Variants in PALLD observed in about 807,000 individuals in gnomAD.
PALLD encodes the protein palladin, cytoskeletal associated protein.
PALLD carries 61 observed loss-of-function variants against 123.5 expected under a neutral mutation model. The observed-to-expected ratio is 0.49, with a 90% CI of 0.40 to 0.61. The LOEUF is 0.61. PALLD is among the 20% of genes least tolerant of loss of function. The pLI is 0.00. For synonymous variants in PALLD, 465 were observed against 496.4 expected (o/e 0.94, Z 0.84); for missense variants, 1,273 against 1,377.0 (o/e 0.92, Z 1.20).
chr4:168,559,496 A>C (rs931732575), intron 2 of PALLD, among the ~76,000 whole-genome samples: 1 of 152,238 alleles, frequency 6.6e-6, no homozygotes, highest in African/African-American at 2.4e-5. Flanking sequence ...AACATAGCTG[A>C]AAAATTTTAA....
At position 168,783,908 on chromosome 4, in the gene PALLD, C is replaced by G. The variant is rs116819983; in HGVS notation, c.1964+71985C>G. 8.7e-3 allele frequency among the ~76,000 whole-genome samples: 1,324 copies of G among 152,216 alleles called. 20 individuals carry two copies. Among genetic ancestry groups the G allele is most frequent in the African/African-American group, 0.028 (1,153 of 41,540 alleles). On this transcript the variant is annotated intron_variant, in intron 10 of 21. Coordinates refer to ENST00000505667, the MANE Select transcript of PALLD (RefSeq NM_001166108.2). ...CTCCCAACTAGGCTTTCATAATTGT[C>G]CCCTGATCCCAAATGAGTGATCAGT...
intron 2 of PALLD, among the ~76,000 whole-genome samples, chr4:168,563,523 T>C (rs1287995192): frequency 6.6e-6 from 1 of 152,188 alleles, no homozygotes; most frequent in Non-Finnish European, 1.5e-5. Flanking sequence ...TATAAAACTA[T>C]TTGCCAATTT....
chr4:168,661,806 G>A (rs1450657387), intron 2 of PALLD, among the ~76,000 whole-genome samples: 3 of 152,134 alleles, frequency 2.0e-5, no homozygotes, highest in African/African-American at 7.2e-5. Flanking sequence ...TGGAGACTAC[G>A]TGGTTTTTAT....
chr4:168,598,537 G>A, intron 2 of PALLD: 2 of 381,186 alleles, frequency 5.2e-6, no homozygotes, highest in Non-Finnish European at 1.1e-5. Flanking sequence ...TTAACAGAGA[G>A]GGGGCAGACA....
chr4:168,811,464 A>T (rs1741102218), intron 10 of PALLD, among the ~76,000 whole-genome samples: 1 of 152,190 alleles, frequency 6.6e-6, no homozygotes, highest in African/African-American at 2.4e-5. Context: ...GCCAGGCATG[A>T]TGGCACATGC....
At chr4:168,863,526 A>C (rs936600104) in intron 10 of PALLD, among the ~76,000 whole-genome samples, 19 of 152,174 alleles carry the variant, frequency 1.2e-4, no homozygotes, top group African/African-American at 4.6e-4. Context: ...AAATCCCTCC[A>C]TGAGGAAGCA....
rs61022783 is a variant in PALLD, at chr4:168,828,273, T to C, written c.1965-62649T>C. On this transcript the variant is annotated intron_variant, in intron 10 of 21. Transcript: ENST00000505667. ...AGCAAAATGCCGGAAGATATATTAA[T>C]ATTCCTTTGCTGCTACATGGAAATA... Among the ~76,000 whole-genome samples the C allele has an allele frequency of 3.0e-3, 455 of 152,370 alleles. 2 individuals are homozygous for C. The highest frequency in any genetic ancestry group is 0.01 in the African/African-American group (433 of 41,586).
intron 10 of PALLD, among the ~76,000 whole-genome samples, chr4:168,737,733 G>A (rs923522755): frequency 2.0e-5 from 3 of 152,172 alleles, no homozygotes; most frequent in African/African-American, 4.8e-5. Context: ...TATGGTGACC[G>A]TCTGTTAGTG....
intron 10 of PALLD, among the ~76,000 whole-genome samples, chr4:168,849,761 A>G (rs1166502147): frequency 2.6e-5 from 4 of 152,010 alleles, no homozygotes; most frequent in Non-Finnish European, 5.9e-5. Flanking sequence ...AAGCAAAAAA[A>G]AAAAAACACT....
chr4:168,639,024 A>G (rs1269081870), intron 2 of PALLD, among the ~76,000 whole-genome samples: 1 of 152,086 alleles, frequency 6.6e-6, no homozygotes, highest in African/African-American at 2.4e-5. Context: ...ATACTTCCCC[A>G]TAAGGATCTT....
In PALLD at chr4:168,913,930, C is replaced by T. The variant is rs764242515; in HGVS notation, c.2626C>T (p.Arg876Cys). 7.5e-6 allele frequency: 12 copies of T among 1,604,012 alleles called. No homozygotes were observed. The highest frequency in any genetic ancestry group is 6.7e-5 in the African/African-American group (5 of 74,820). The change falls in exon 16 of 22, where the codon CGC becomes TGC. Residue 876 changes from arginine (R) to cysteine (C), a missense_variant. By Grantham distance (180) the Arg-to-Cys change is radical. Transcript: ENST00000505667. ...TTATTTCCTGATATTTCTACAGGGC[C>T]GCATCAGTTGTACTGGACGGCTAAT... is the stretch of plus-strand genomic sequence containing the variant. The part of the protein sequence containing the change: ...YTIMAANPQG[R>C]ISCTGRLMVQ...
intron 2 of PALLD, among the ~76,000 whole-genome samples, chr4:168,594,481 G>A (rs1771783236): frequency 6.6e-6 from 1 of 152,058 alleles, no homozygotes; most frequent in Admixed American, 6.5e-5. Flanking sequence ...CAAATCAAAT[G>A]TTTGTAACAC....
At chr4:168,836,938 G>A (rs1745285697) in intron 10 of PALLD, among the ~76,000 whole-genome samples, 1 of 152,068 alleles carries the variant, frequency 6.6e-6, no homozygotes. Flanking sequence ...TGGTTTTTGT[G>A]GGAAAATGCA....
At chr4:168,899,771 G>T (rs1582006529) in intron 14 of PALLD, among the ~76,000 whole-genome samples, 2 of 152,160 alleles carry the variant, frequency 1.3e-5, no homozygotes, top group Admixed American at 1.3e-4. Flanking sequence ...ACAAAAATTA[G>T]CTGGGCATGG....
chr4:168,774,166 T>C (rs191779146), intron 10 of PALLD, among the ~76,000 whole-genome samples: 33 of 152,088 alleles, frequency 2.2e-4, no homozygotes, highest in Non-Finnish European at 4.4e-4. Context: ...ATAATTTGTA[T>C]ATATAATGAA....
intron 1 of PALLD, among the ~76,000 whole-genome samples, chr4:168,499,745 T>C (rs1346716390): frequency 6.6e-6 from 1 of 152,210 alleles, no homozygotes; most frequent in African/African-American, 2.4e-5. Context: ...CCTATCTATG[T>C]ATACATTTTT....
chr4:168,548,843 T>C (rs1205973026), intron 2 of PALLD, among the ~76,000 whole-genome samples: 4 of 152,104 alleles, frequency 2.6e-5, no homozygotes. Context: ...TTGAGGAGCG[T>C]GGTAAATAAT....
chr4:168,596,700 T>C (rs1366706843), intron 2 of PALLD, among the ~76,000 whole-genome samples: 1 of 143,570 alleles, frequency 7.0e-6, no homozygotes, highest in Non-Finnish European at 1.5e-5. Flanking sequence ...CAATTCCAAG[T>C]ATAGACTAAC....
intron 10 of PALLD, among the ~76,000 whole-genome samples, chr4:168,838,828 TTC>T (rs1236502199): frequency 6.6e-6 from 1 of 152,176 alleles, no homozygotes; most frequent in African/African-American, 2.4e-5. Context: ...TGTCACATTG[TTC>T]TCTCCCTTTT....
Sources: allele counts gnomAD v4.1 joint callset (sites outside exome capture counted in the v4.1 genomes callset), GRCh38; gene constraint gnomAD v4.1.1; transcripts MANE v1.5; gene names NCBI Gene and HGNC (gene_info 2026-07-23, HGNC 2026-07-21).